GLT1D1: variants seen among roughly 807,000 people sequenced by gnomAD.
GLT1D1 encodes the protein glycosyltransferase 1 domain-containing protein 1.
A neutral mutation model predicts 28.7 loss-of-function variants in GLT1D1; 21 were observed. That is an observed-to-expected ratio of 0.73 (90% CI 0.52 to 1.05). The LOEUF (loss-of-function observed/expected upper bound fraction) is 1.05. Ranked by LOEUF, GLT1D1 falls within the 50% of genes least tolerant of loss-of-function variation. The probability of loss-of-function intolerance (pLI) is 0.00; values close to 1 mark genes in which losing one functional copy is unlikely to be tolerated. For missense variants in GLT1D1, 343 were observed against 330.6 expected, an observed-to-expected ratio of 1.04 and a Z score of -0.29; for synonymous variants, 147 against 124.8, an observed-to-expected ratio of 1.18 and a Z score of -1.19.
chr12:128,950,458 T>C (rs192441068), intron 6 of GLT1D1, among the ~76,000 whole-genome samples: 15 of 152,302 alleles, frequency 9.8e-5, no homozygotes, highest in African/African-American at 3.6e-4. Flanking sequence ...TGACAAGCAA[T>C]GCTTGTTTGA....
chr12:128,980,832 T>C (rs1593223704), intron 7 of GLT1D1, among the ~76,000 whole-genome samples: 1 of 151,960 alleles, frequency 6.6e-6, no homozygotes, highest in Non-Finnish European at 1.5e-5. Flanking sequence ...GGGGGCGGGG[T>C]GGGGAATAGA....
At chr12:128,904,885 C>T (rs947991918) in intron 4 of GLT1D1, among the ~76,000 whole-genome samples, 18 of 152,254 alleles carry the variant, frequency 1.2e-4, no homozygotes, top group African/African-American at 2.9e-4. Flanking sequence ...CCACCTGCCT[C>T]GGCCTCCCAA....
chr12:128,975,985 G>C (rs944367883), intron 7 of GLT1D1, among the ~76,000 whole-genome samples: 1 of 152,140 alleles, frequency 6.6e-6, no homozygotes, highest in African/African-American at 2.4e-5. Flanking sequence ...GCTGGCAGTC[G>C]GGGTGATGAC....
chr12:128,947,673 C>A (rs1876270277), intron 6 of GLT1D1, among the ~76,000 whole-genome samples: 1 of 152,158 alleles, frequency 6.6e-6, no homozygotes, highest in African/African-American at 2.4e-5. Flanking sequence ...CTCTCCTAGC[C>A]AGCTACGATG....
chr12:128,888,462 T>G (rs1355452915), intron 2 of GLT1D1, among the ~76,000 whole-genome samples, 177 bp from the exon 3 acceptor site: 1 of 152,234 alleles, frequency 6.6e-6, no homozygotes, highest in African/African-American at 2.4e-5. Context: ...CTTGGTGTTG[T>G]GTTTATTGTA....
At chr12:128,970,297 G>A (rs1878908982) in intron 7 of GLT1D1, among the ~76,000 whole-genome samples, 1 of 152,164 alleles carries the variant, frequency 6.6e-6, no homozygotes, top group African/African-American at 2.4e-5. Context: ...CTGGGTCCTG[G>A]GCTCCCAAGC....
intron 3 of GLT1D1, among the ~76,000 whole-genome samples, chr12:128,893,150 C>T (rs1038031168): frequency 2.5e-4 from 38 of 152,084 alleles, no homozygotes; most frequent in Non-Finnish European, 4.1e-4. Context: ...GAGGCTGAGG[C>T]AAGAGAATCG....
chr12:128,890,065 T>C (rs1388319003), intron 3 of GLT1D1, among the ~76,000 whole-genome samples: 1 of 152,196 alleles, frequency 6.6e-6, no homozygotes, highest in Non-Finnish European at 1.5e-5. Context: ...TGAGATACCG[T>C]GCCCAGCCTG....
intron 2 of GLT1D1, among the ~76,000 whole-genome samples, chr12:128,881,814 C>T (rs1360644533): frequency 1.3e-5 from 2 of 151,328 alleles, no homozygotes; most frequent in Non-Finnish European, 1.5e-5. Context: ...CTTTTAATTG[C>T]GTAACCTATT....
At chr12:128,877,406 A>AT (rs879384905) in intron 2 of GLT1D1, among the ~76,000 whole-genome samples, 3 of 152,100 alleles carry the variant, frequency 2.0e-5, no homozygotes, top group Non-Finnish European at 4.4e-5. Context: ...ACTGAAGGTG[A>AT]TTTTTTCATT....
intron 6 of GLT1D1, among the ~76,000 whole-genome samples, chr12:128,952,673 C>T (rs900644504): frequency 2.0e-5 from 3 of 149,108 alleles, no homozygotes; most frequent in South Asian, 2.1e-4. Context: ...TGGGGTTTCT[C>T]CATGTTGGTC....
intron 4 of GLT1D1, among the ~76,000 whole-genome samples, chr12:128,931,807 T>G (rs1217321913): frequency 6.6e-6 from 1 of 151,974 alleles, no homozygotes; most frequent in Non-Finnish European, 1.5e-5. Flanking sequence ...TTTGAAGGGG[T>G]GAATGTGTGT....
intron 3 of GLT1D1, 92 bp downstream of exon 3, chr12:128,888,836 G>A: frequency 1.2e-6 from 1 of 822,126 alleles, no homozygotes; most frequent in Non-Finnish European, 2.0e-6. Flanking sequence ...CAATTGCCGG[G>A]AAGGTTTACA....
chr12:128,977,991 G>T lies in GLT1D1; in HGVS notation c.640-4938G>T, dbSNP rs533354257. 2.6e-5 allele frequency among the ~76,000 whole-genome samples: 4 copies of T among 151,886 alleles called. No homozygotes were observed. The South Asian group carries it at 8.3e-4, about 32-fold the overall frequency. Reference sequence around the variant, plus strand: ...GTAGAGACAGGGTTTAACCATGTTGGCCAGGTTGGTCTGGAACTCCTGACC... The same window carrying T: ...GTAGAGACAGGGTTTAACCATGTTGTCCAGGTTGGTCTGGAACTCCTGACC... On this transcript the variant is annotated intron_variant, in intron 7 of 7. Transcript: ENST00000281703.
intron 4 of GLT1D1, among the ~76,000 whole-genome samples, chr12:128,927,530 G>T (rs1249971933): frequency 6.6e-6 from 1 of 151,866 alleles, no homozygotes; most frequent in Non-Finnish European, 1.5e-5. Context: ...GAGCCACCGC[G>T]CCCAGCTTAC....
chr12:128,878,940 AAC>A (rs1168005057), intron 2 of GLT1D1, among the ~76,000 whole-genome samples: 1 of 152,146 alleles, frequency 6.6e-6, no homozygotes, highest in Non-Finnish European at 1.5e-5. Flanking sequence ...AGTGTAGTGA[AAC>A]ACAGTCTGAG....
intron 1 of GLT1D1, among the ~76,000 whole-genome samples, chr12:128,864,582 G>A (rs1043268196): frequency 1.3e-5 from 2 of 152,234 alleles, no homozygotes; most frequent in Non-Finnish European, 2.9e-5. Flanking sequence ...CGGTGAATGT[G>A]TGCCACACTT....
chr12:128,969,724 G>T (rs1186223940), intron 7 of GLT1D1, among the ~76,000 whole-genome samples: 1 of 152,234 alleles, frequency 6.6e-6, no homozygotes, highest in East Asian at 1.9e-4. Context: ...AGAGAGGGAA[G>T]AGGCAGAGAG....
intron 4 of GLT1D1, among the ~76,000 whole-genome samples, chr12:128,914,103 GA>G (rs1456163153): frequency 6.6e-6 from 1 of 152,106 alleles, no homozygotes; most frequent in Non-Finnish European, 1.5e-5. Context: ...CTGTTACCAA[GA>G]TAACGTGTTA....
Sources: gnomAD v4.1 joint callset for allele counts (sites outside exome capture counted in the v4.1 genomes callset) on GRCh38, gnomAD v4.1.1 for gene constraint, MANE v1.5 for transcripts, NCBI Gene and HGNC (gene_info 2026-07-23, HGNC 2026-07-21) for gene names.